MALRD1: variants seen among roughly 807,000 people sequenced by gnomAD.
MALRD1 encodes MAM and LDL-receptor class A domain-containing protein 1.
Under a neutral mutation model 242.1 loss-of-function variants are expected in MALRD1, and 247 were observed. The ratio of observed to expected loss-of-function variants is 1.02; its 90% CI spans 0.92 to 1.13. The LOEUF (loss-of-function observed/expected upper bound fraction) is 1.13, where lower values mean the gene tolerates loss of function less well. Ranked by LOEUF, MALRD1 falls within the 50% of genes most tolerant of loss-of-function variation. MALRD1 has a pLI of 0.00. For missense variants in MALRD1, 2,989 were observed against 2,533.1 expected, an observed-to-expected ratio of 1.18 and a Z score of -3.86; for synonymous variants, 995 against 866.6, an observed-to-expected ratio of 1.15 and a Z score of -2.60.
chr10:19,195,563 A>G (rs999278979), intron 14 of MALRD1, among the ~76,000 whole-genome samples: 4 of 152,192 alleles, frequency 2.6e-5, no homozygotes, highest in African/African-American at 9.7e-5. Flanking sequence ...TAAATTTTTC[A>G]TACCCACCTG....
At chr10:19,340,380 A>C (rs981292984) in intron 24 of MALRD1, among the ~76,000 whole-genome samples, 1 of 151,842 alleles carries the variant, frequency 6.6e-6, no homozygotes, top group Non-Finnish European at 1.5e-5. Flanking sequence ...CATCCCCACA[A>C]GGTTCTGTGA....
chr10:19,063,469 C>T (rs917319670), intron 1 of MALRD1, among the ~76,000 whole-genome samples: 3 of 152,080 alleles, frequency 2.0e-5, no homozygotes, highest in Non-Finnish European at 2.9e-5. Context: ...ACAATGAAAA[C>T]GTATCCTACT....
chr10:19,393,046 C>G (rs1846404815), intron 28 of MALRD1, among the ~76,000 whole-genome samples: 1 of 152,096 alleles, frequency 6.6e-6, no homozygotes, highest in African/African-American at 2.4e-5. Flanking sequence ...AGTGGATTGA[C>G]TATGACTTGA....
intron 14 of MALRD1, among the ~76,000 whole-genome samples, chr10:19,185,023 T>G (rs1039736725): frequency 6.6e-6 from 1 of 152,246 alleles, no homozygotes; most frequent in Non-Finnish European, 1.5e-5. Context: ...TAAGTTCCTA[T>G]TTTTGTGAAC....
chr10:19,655,072 A>G (rs1430173089), intron 36 of MALRD1, among the ~76,000 whole-genome samples: 2 of 152,192 alleles, frequency 1.3e-5, no homozygotes, highest in Non-Finnish European at 2.9e-5. Context: ...GTTCTATGGA[A>G]TAAGAATCAT....
At chr10:19,174,996 A>C (rs1445348257) in intron 13 of MALRD1, among the ~76,000 whole-genome samples, 1 of 152,152 alleles carries the variant, frequency 6.6e-6, no homozygotes, top group Non-Finnish European at 1.5e-5. Context: ...AATTGAAACA[A>C]GGTTACCTTT....
intron 7 of MALRD1, 24 bp downstream of exon 7, chr10:19,124,694 T>A (rs555568420): frequency 8.1e-7 from 1 of 1,232,630 alleles, no homozygotes; most frequent in Non-Finnish European, 1.0e-6. Context: ...TAATATCTTT[T>A]ATGTATTACT....
chr10:19,255,889 C>T (rs1839483562), intron 18 of MALRD1, among the ~76,000 whole-genome samples: 1 of 152,006 alleles, frequency 6.6e-6, no homozygotes, highest in Non-Finnish European at 1.5e-5. Flanking sequence ...TTATGGCCCT[C>T]TCTGGGTTAC....
At chr10:19,414,421 C>G (rs1432858133) in intron 28 of MALRD1, among the ~76,000 whole-genome samples, 1 of 152,096 alleles carries the variant, frequency 6.6e-6, no homozygotes, top group East Asian at 1.9e-4. Context: ...GCATAAAGAT[C>G]CTAAGTTTTT....
chr10:19,339,079 C>T (rs1476997184), intron 24 of MALRD1, among the ~76,000 whole-genome samples: 1 of 151,814 alleles, frequency 6.6e-6, no homozygotes, highest in Non-Finnish European at 1.5e-5. Context: ...CACACACACA[C>T]ATCCCTAGGA....
Position 19,240,965 on chromosome 10 carries a change from T to C in MALRD1, c.2992-16719T>C, listed in dbSNP as rs1291557569. ...TAGTGTGCTGTCGAAGTCAGTTCAC[T>C]TGTATCTTGTTGAGAATTTTTTTAT... is the stretch of plus-strand genomic sequence containing the variant. On this transcript the variant is annotated intron_variant, in intron 18 of 39. Transcript: ENST00000454679. 2.6e-5 allele frequency among the ~76,000 whole-genome samples: 4 copies of C among 152,120 alleles called. No homozygotes were observed. In the East Asian group the frequency reaches 5.8e-4, roughly 22 times the overall value.
chr10:19,554,812 G>A (rs1835644953), intron 32 of MALRD1, among the ~76,000 whole-genome samples: 2 of 152,010 alleles, frequency 1.3e-5, no homozygotes, highest in African/African-American at 2.4e-5. Context: ...TACCATTGAC[G>A]GGCATTTGGG....
At chr10:19,237,386 G>A (rs945257340) in intron 18 of MALRD1, among the ~76,000 whole-genome samples, 13 of 149,114 alleles carry the variant, frequency 8.7e-5, no homozygotes, top group African/African-American at 2.5e-4. Flanking sequence ...GAGATCATGC[G>A]GTATTTGCTT....
rs191756091 is a variant in MALRD1 at position 19,351,219 on chromosome 10, C to T, written c.4150-787C>T. On this transcript the variant is annotated intron_variant, in intron 25 of 39. Coordinates refer to ENST00000454679, the MANE Select transcript of MALRD1 (RefSeq NM_001142308.3). ...TCATCACTGTTTTCCCTCATTCACACAAATGACAAGACAAAAGCTTTAAAG... is the reference window on the plus strand; with the variant it reads ...TCATCACTGTTTTCCCTCATTCACATAAATGACAAGACAAAAGCTTTAAAG... 2.3e-3 allele frequency among the ~76,000 whole-genome samples: 343 copies of T among 152,246 alleles called. 1 individual carries two copies. The highest frequency in any genetic ancestry group is 6.8e-3 in the Middle Eastern group (2 of 294).
intron 31 of MALRD1, among the ~76,000 whole-genome samples, chr10:19,504,571 A>C (rs759891262): frequency 4.0e-5 from 6 of 151,880 alleles, no homozygotes; most frequent in Non-Finnish European, 8.8e-5. Flanking sequence ...GCACTCAAAC[A>C]TACACATACA....
Position 19,209,285 on chromosome 10 carries a change from A to G in MALRD1, c.2596A>G (p.Asn866Asp). ...EVNCAPELQC[N>D]FETGICNWEQ... is the part of the protein sequence containing the mutation. ...AATTTCAGCACCTGAGCTGCAGTGT[A>G]ACTTTGAAACTGGAATCTGTAACTG... Residue 866 changes from asparagine to aspartate, a missense_variant, in exon 18 of 40, where the codon AAC becomes GAC. Transcript: ENST00000454679. 1.3e-6 allele frequency: 2 copies of G among 1,539,800 alleles called. No homozygotes were observed. Among genetic ancestry groups the G allele is most frequent in the Non-Finnish European group, 1.8e-6 (2 of 1,142,796 alleles).
intron 18 of MALRD1, among the ~76,000 whole-genome samples, chr10:19,242,350 T>C (rs1354721569): frequency 2.0e-5 from 3 of 152,050 alleles, no homozygotes; most frequent in Admixed American, 2.0e-4. Context: ...ATGTATGAAT[T>C]ATGGGAGCTA....
chr10:19,544,173 T>G (rs1038751683), intron 32 of MALRD1, among the ~76,000 whole-genome samples: 1 of 151,982 alleles, frequency 6.6e-6, no homozygotes, highest in Admixed American at 6.6e-5. Flanking sequence ...TGAGTCTTTT[T>G]TGCTTTGTTT....
rs1237643808 is a variant in MALRD1, at chr10:19,347,880, C to A, written c.4011C>A (p.Gly1337=). 6.5e-7 allele frequency: 1 copy of A among 1,550,368 alleles called. No homozygotes were observed. Residue 1337 remains glycine, a synonymous_variant, in exon 25 of 40, where the codon GGC becomes GGA. Coordinates refer to ENST00000454679, the MANE Select transcript of MALRD1 (RefSeq NM_001142308.3). The part of the protein sequence containing the change: ...NLKASSIPAA[G]TEPAADHTLG... ...AAGCTAGCAGCATCCCTGCAGCAGG[C>A]ACAGAGCCAGCAGCAGATCACACTT...
Sources: gnomAD v4.1 joint callset for allele counts (sites outside exome capture counted in the v4.1 genomes callset) on GRCh38, gnomAD v4.1.1 for gene constraint, MANE v1.5 for transcripts, NCBI Gene and HGNC (gene_info 2026-07-23, HGNC 2026-07-21) for gene names.